Variants in USH2A observed in about 807,000 individuals in gnomAD.
USH2A encodes usherin, also known as Usher syndrome 2A (autosomal recessive, mild).
Under a neutral mutation model 538.9 loss-of-function variants are expected in USH2A, and 443 were observed. The observed-to-expected ratio is 0.82, with a 90% CI of 0.76 to 0.89. The LOEUF is 0.89. Ranked by LOEUF, USH2A falls within the 40% of genes least tolerant of loss-of-function variation. The pLI is 0.00. For missense variants in USH2A, 6,633 were observed against 6,324.8 expected (o/e 1.05, Z -1.65); for synonymous variants, 2,413 against 2,273.5 (o/e 1.06, Z -1.75).
chr1:216,416,147 C>T (rs547352786), intron 3 of USH2A, among the ~76,000 whole-genome samples: 7 of 152,068 alleles, frequency 4.6e-5, no homozygotes, highest in African/African-American at 1.7e-4. Flanking sequence ...GCCTGGGCAA[C>T]AAGGGAGAAA....
intron 2 of USH2A, 59 bp downstream of exon 2, chr1:216,421,793 A>G: frequency 6.2e-7 from 1 of 1,612,844 alleles, no homozygotes; most frequent in Non-Finnish European, 8.5e-7. Flanking sequence ...GGCTGAAATG[A>G]TCTTCACTAC....
intron 27 of USH2A, among the ~76,000 whole-genome samples, chr1:216,075,703 G>A (rs1229872922): frequency 6.6e-6 from 1 of 152,184 alleles, no homozygotes; most frequent in Non-Finnish European, 1.5e-5. Flanking sequence ...CAACCTAGAT[G>A]TAAGTGATTA....
chr1:215,804,008 A>G (rs540130851), intron 49 of USH2A, among the ~76,000 whole-genome samples: 7 of 152,328 alleles, frequency 4.6e-5, no homozygotes, highest in African/African-American at 1.7e-4. Context: ...ATCTTTGACA[A>G]ACCTGACAAA....
Position 216,332,322 on chromosome 1 carries a change from C to T in USH2A, c.785-4668G>A, listed in dbSNP as rs144553683. On this transcript the variant is annotated intron_variant, in intron 4 of 71. Coordinates refer to ENST00000307340, the MANE Select transcript of USH2A (RefSeq NM_206933.4). Reference sequence around the variant, plus strand: ...TGCTAAAAATAATCACTGGCAACTGCTTAACATTGCAGTTGACCCAGGCAG... The same window carrying T: ...TGCTAAAAATAATCACTGGCAACTGTTTAACATTGCAGTTGACCCAGGCAG... Among the ~76,000 whole-genome samples the T allele has an allele frequency of 6.3e-4, 96 of 152,244 alleles. 1 individual carries two copies. Among genetic ancestry groups the T allele is most frequent in the African/African-American group, 2.3e-3 (95 of 41,548 alleles).
chr1:215,900,217 C>G lies in USH2A; in HGVS notation c.7452G>C (p.Glu2484Asp), dbSNP rs397518031. The change falls in exon 40 of 72, where the codon GAG becomes GAC. Residue 2484 changes from glutamate (E) to aspartate (D), a missense_variant and splice_region_variant. Transcript: ENST00000307340. ...ACGATGCAGAAGGATTGGAAAATAA[C>G]CTGTATGGGAAATAAATGTCAATTA... The part of the protein sequence containing the change: ...RSGDSTHGFL[E>D]LFSNPSASLS... 6.2e-7 allele frequency: 1 copy of G among 1,613,244 alleles called. No homozygotes were observed. The highest frequency in any genetic ancestry group is 8.5e-7 in the Non-Finnish European group (1 of 1,179,610).
intron 56 of USH2A, among the ~76,000 whole-genome samples, chr1:215,763,774 G>C (rs775030562): frequency 6.6e-6 from 1 of 152,114 alleles, no homozygotes; most frequent in Non-Finnish European, 1.5e-5. Flanking sequence ...AGGGATCCTA[G>C]TTAGGAGGAT....
In USH2A at chr1:216,139,996, CTT is replaced by C. The variant is rs578126817; in HGVS notation, c.4627+35254_4627+35255del. On this transcript the variant is annotated intron_variant, in intron 21 of 71. Coordinates refer to ENST00000307340, the MANE Select transcript of USH2A (RefSeq NM_206933.4). The stretch of plus-strand genomic sequence containing the variant: ...AATTAATTAGAAGGTAATTAACTCA[CTT>C]TATAAAAAATTCAACACAAGCTTCC... Among the ~76,000 whole-genome samples the C allele has an allele frequency of 2.8e-3, 422 of 152,282 alleles. 1 individual carries two copies. Among genetic ancestry groups the C allele is most frequent in the Middle Eastern group, 0.014 (4 of 294 alleles).
At chr1:216,309,450 C>T (rs2037380787) in intron 9 of USH2A, among the ~76,000 whole-genome samples, 1 of 152,070 alleles carries the variant, frequency 6.6e-6, no homozygotes, top group South Asian at 2.1e-4. Flanking sequence ...CTAATATGTT[C>T]AGCACATTTA....
intron 32 of USH2A, among the ~76,000 whole-genome samples, chr1:216,002,475 GAATTCCTGATGGGT>G (rs1346091349): frequency 2.0e-5 from 3 of 152,104 alleles, no homozygotes; most frequent in Non-Finnish European, 2.9e-5. Context: ...AAGCTTAGAG[GAATTCCTGATGGGT>G]AATTCAGTGC....
chr1:215,840,850 A>G (rs1459920746), intron 46 of USH2A, among the ~76,000 whole-genome samples: 1 of 152,146 alleles, frequency 6.6e-6, no homozygotes, highest in African/African-American at 2.4e-5. Context: ...AGCCTTTTTT[A>G]TATAGCTATA....
rs183556728 is a variant in USH2A, at chr1:216,072,799, G to C, written c.5857+90C>G. ...GTCAGAAGACTACAAAAATATTACT[G>C]CTTCAGGGTAATAGTCCTTCCTTTT... On this transcript the variant is annotated intron_variant, in intron 29 of 71. Coordinates refer to ENST00000307340, the MANE Select transcript of USH2A (RefSeq NM_206933.4). The C allele has an allele frequency of 2.8e-3, 3,527 of 1,258,012 alleles. 11 individuals are homozygous for C. Among genetic ancestry groups the C allele is most frequent in the Non-Finnish European group, 3.7e-3 (3,143 of 857,960 alleles). 77.9% of individuals were successfully genotyped at this position (1,258,012 alleles called of 1,614,324 possible).
rs371983556 is a variant in USH2A at position 216,166,882 on chromosome 1, A to T, written c.4627+8370T>A. On this transcript the variant is annotated intron_variant, in intron 21 of 71. Coordinates refer to ENST00000307340, the MANE Select transcript of USH2A (RefSeq NM_206933.4). ...CTTAAGTCCTTATTCTTCCTTTATG[A>T]TATTCCCCAAGGATGCCCCTTTTTT... Among the ~76,000 whole-genome samples the T allele has an allele frequency of 2.6e-5, 4 of 152,076 alleles. No individual in the cohort carries two copies. The South Asian group carries it at 8.3e-4, about 32-fold the overall frequency.
At chr1:216,155,410 T>C (rs1163061979) in intron 21 of USH2A, among the ~76,000 whole-genome samples, 2 of 152,190 alleles carry the variant, frequency 1.3e-5, no homozygotes, top group East Asian at 3.8e-4. Flanking sequence ...ACATCACTAT[T>C]GTAAAACCCA....
At chr1:216,353,696 A>T (rs905353390) in intron 4 of USH2A, among the ~76,000 whole-genome samples, 5 of 152,156 alleles carry the variant, frequency 3.3e-5, no homozygotes, top group Non-Finnish European at 5.9e-5. Context: ...TGCCAAAGAA[A>T]AAAAGGGGTA....
chr1:216,160,713 T>C (rs2102628418), intron 21 of USH2A, among the ~76,000 whole-genome samples: 1 of 152,298 alleles, frequency 6.6e-6, no homozygotes, highest in East Asian at 1.9e-4. Flanking sequence ...GAAGTGATGT[T>C]CTACATATGA....
At chr1:216,289,543 C>T in intron 10 of USH2A, 133 bp from the exon 11 acceptor site, 2 of 1,157,026 alleles carry the variant, frequency 1.7e-6, no homozygotes, top group South Asian at 2.6e-5. Context: ...CACCTTTCAT[C>T]TCTACCTGCC....
intron 61 of USH2A, among the ~76,000 whole-genome samples, chr1:215,687,231 G>A (rs542699948): frequency 5.3e-5 from 8 of 152,124 alleles, no homozygotes; most frequent in Non-Finnish European, 8.8e-5. Context: ...GGGGACAATT[G>A]TTATAACAAT....
intron 55 of USH2A, among the ~76,000 whole-genome samples, chr1:215,770,697 T>A (rs950338363): frequency 6.6e-6 from 1 of 152,158 alleles, no homozygotes; most frequent in African/African-American, 2.4e-5. Context: ...GGTGTTAATA[T>A]AATTAACGCC....
chr1:216,337,327 A>C (rs2037993479), intron 4 of USH2A, among the ~76,000 whole-genome samples: 1 of 151,358 alleles, frequency 6.6e-6, no homozygotes, highest in Non-Finnish European at 1.5e-5. Context: ...TGAAGCATAT[A>C]GATATTAAGA....
Sources: allele counts gnomAD v4.1 joint callset (sites outside exome capture counted in the v4.1 genomes callset), GRCh38; gene constraint gnomAD v4.1.1; transcripts MANE v1.5; gene names NCBI Gene and HGNC (gene_info 2026-07-23, HGNC 2026-07-21).